The following ACSL1 variants were observed in gnomAD, a reference collection of about 807,000 sequenced individuals.
ACSL1 encodes acyl-CoA synthetase long chain family member 1.
In ACSL1, 41 loss-of-function variants were observed where a neutral mutation model predicts 98.4. The ratio of observed to expected loss-of-function variants is 0.42; its 90% CI spans 0.32 to 0.54. The LOEUF is 0.54. Among genes scored for constraint, ACSL1 ranks in the 20% least tolerant of loss-of-function variants. ACSL1 has a pLI of 0.13. For missense variants in ACSL1, 734 were observed against 883.1 expected (o/e 0.83, Z 2.14); for synonymous variants, 316 against 322.7 (o/e 0.98, Z 0.22).
chr4:184,815,207 C>G, intron 1 of ACSL1: 1 of 425,612 alleles, frequency 2.3e-6, no homozygotes, highest in South Asian at 1.6e-5. Flanking sequence ...CAGGCCAAGT[C>G]TGAACAGGCA....
At chr4:184,791,235 T>A (rs1768299892) in intron 2 of ACSL1, among the ~76,000 whole-genome samples, 1 of 152,220 alleles carries the variant, frequency 6.6e-6, no homozygotes. Context: ...TTCCCCTAGC[T>A]GTGAATGGGC....
chr4:184,808,262 GC>G, intron 1 of ACSL1: 2 of 927,850 alleles, frequency 2.2e-6, no homozygotes, highest in Non-Finnish European at 1.3e-6. Context: ...CACACACACT[GC>G]CCCTGCAACT....
intron 1 of ACSL1, chr4:184,808,391 T>C: frequency 3.0e-6 from 3 of 985,446 alleles, no homozygotes; most frequent in Non-Finnish European, 2.4e-6. Context: ...TCAAGATGAA[T>C]AATGGCAGTT....
intron 2 of ACSL1, chr4:184,799,163 C>A (rs560604108): frequency 1.3e-5 from 2 of 151,318 alleles, no homozygotes; most frequent in Admixed American, 1.3e-4. Flanking sequence ...CTGTTGCCCC[C>A]GCTGGAGTGC....
chr4:184,819,355 C>A (rs1203328580), intron 1 of ACSL1, among the ~76,000 whole-genome samples: 3 of 151,960 alleles, frequency 2.0e-5, no homozygotes, highest in South Asian at 2.1e-4. Flanking sequence ...GTTGTCCAGG[C>A]TGGTCTCGAA....
chr4:184,800,646 C>T (rs563667624), intron 2 of ACSL1, among the ~76,000 whole-genome samples: 1 of 152,322 alleles, frequency 6.6e-6, no homozygotes, highest in South Asian at 2.1e-4. Flanking sequence ...TCTTCCTTGG[C>T]ACGCAGGGCA....
chr4:184,756,323 C>T lies in ACSL1; in HGVS notation c.*802G>A, dbSNP rs1234870843. ...CTCTTTCTTGAAATGCTTGTCTTCA[C>T]TATAGAATCTAAGGCAGATTTTTAA... On this transcript the variant is annotated 3_prime_UTR_variant, in exon 21 of 21. Coordinates refer to ENST00000281455, the MANE Select transcript of ACSL1 (RefSeq NM_001995.5). 2.0e-5 allele frequency: 3 copies of T among 152,584 alleles called. No homozygotes were observed. The highest frequency in any genetic ancestry group is 4.4e-5 in the Non-Finnish European group (3 of 68,030). The allele number at this position is 152,584 out of a possible 1,614,324, so 9.5% of individuals were successfully genotyped here. A position where few individuals can be genotyped will look rare whatever the true frequency, so the allele number is the denominator to read the frequency against.
intron 11 of ACSL1, among the ~76,000 whole-genome samples, chr4:184,769,155 G>C (rs1340281684): frequency 6.6e-6 from 1 of 151,678 alleles, no homozygotes; most frequent in East Asian, 1.9e-4. Flanking sequence ...TTCTTGCCTA[G>C]AGTCCAAGTT....
intron 18 of ACSL1, among the ~76,000 whole-genome samples, chr4:184,760,085 T>A (rs968071438): frequency 3.3e-5 from 5 of 152,202 alleles, no homozygotes; most frequent in African/African-American, 4.8e-5. Flanking sequence ...ATATTACCCA[T>A]GCCCCTGTCC....
At chr4:184,775,257 GATC>G (rs1004559308) in intron 7 of ACSL1, among the ~76,000 whole-genome samples, 1 of 152,016 alleles carries the variant, frequency 6.6e-6, no homozygotes, top group Non-Finnish European at 1.5e-5. Flanking sequence ...ACTAAGTACA[GATC>G]ATATTAAACA....
chr4:184,763,143 A>G (rs1763090436), intron 16 of ACSL1, 24 bp downstream of exon 16: 1 of 1,610,500 alleles, frequency 6.2e-7, no homozygotes. Flanking sequence ...CAGCGAGGGA[A>G]AATGACTGAC....
chr4:184,821,628 CA>C (rs910905757), intron 1 of ACSL1, among the ~76,000 whole-genome samples: 1 of 152,178 alleles, frequency 6.6e-6, no homozygotes, highest in African/African-American at 2.4e-5. Context: ...TAAAGCAGAA[CA>C]TTTTTTATTT....
chr4:184,799,940 T>C (rs1770180887), intron 2 of ACSL1, among the ~76,000 whole-genome samples: 1 of 152,176 alleles, frequency 6.6e-6, no homozygotes, highest in Non-Finnish European at 1.5e-5. Flanking sequence ...CCAAACTTTC[T>C]ATCCTGGTTT....
Position 184,763,172 on chromosome 4 carries a change from C to T in ACSL1, c.1516G>A (p.Gly506Ser). 1 of 1,613,536 alleles carries T rather than the reference C, an allele frequency of 6.2e-7. No homozygotes were observed. Among genetic ancestry groups the T allele is most frequent in the South Asian group, 1.1e-5 (1 of 90,868 alleles). Residue 506 changes from glycine to serine, a missense_variant, in exon 16 of 21, where the codon GGC (glycine) becomes AGC (serine). By Grantham distance (56) the Gly-to-Ser change is moderately conservative. Coordinates refer to ENST00000281455, the MANE Select transcript of ACSL1 (RefSeq NM_001995.5). Reference protein sequence around the residue: ...EMNYMAAEGEGEVCVKGPNVF... With the variant: ...EMNYMAAEGESEVCVKGPNVF... The stretch of plus-strand genomic sequence containing the variant: ...GACTGACGGTTTTCACTCACCTCGC[C>T]CTCGCCCTCGGCAGCCATGTAATTC...
intron 14 of ACSL1, among the ~76,000 whole-genome samples, chr4:184,765,254 T>C (rs2150286363): frequency 6.6e-6 from 1 of 152,282 alleles, no homozygotes; most frequent in East Asian, 1.9e-4. Context: ...CAAATCCTCC[T>C]TTCTCCCTTT....
At chr4:184,770,874 A>G (rs1420017386) in intron 10 of ACSL1, among the ~76,000 whole-genome samples, 2 of 152,240 alleles carry the variant, frequency 1.3e-5, no homozygotes, top group African/African-American at 4.8e-5. Context: ...CTGTAATCCC[A>G]GCACTTTGGG....
chr4:184,782,416 CAT>C (rs1439980125), intron 4 of ACSL1, among the ~76,000 whole-genome samples: 2 of 151,982 alleles, frequency 1.3e-5, no homozygotes, highest in Non-Finnish European at 2.9e-5. Context: ...GTGTGCAAGT[CAT>C]AGATTCACAC....
chr4:184,822,420 T>C (rs1025855744), intron 1 of ACSL1, among the ~76,000 whole-genome samples: 1 of 152,220 alleles, frequency 6.6e-6, no homozygotes, highest in African/African-American at 2.4e-5. Flanking sequence ...GAATCAATAC[T>C]GTGTTGTTTC....
At chr4:184,824,818 C>T (rs1315636812) in intron 1 of ACSL1, among the ~76,000 whole-genome samples, 1 of 151,996 alleles carries the variant, frequency 6.6e-6, no homozygotes, top group Non-Finnish European at 1.5e-5. Context: ...CTTCCACGTC[C>T]ACTTGAAAAA....
Sources: allele counts gnomAD v4.1 joint callset (sites outside exome capture counted in the v4.1 genomes callset), GRCh38; gene constraint gnomAD v4.1.1; transcripts MANE v1.5; gene names NCBI Gene and HGNC (gene_info 2026-07-23, HGNC 2026-07-21).